Variants in L2HGDH observed in about 807,000 individuals in gnomAD.
L2HGDH encodes L-2-hydroxyglutarate dehydrogenase, mitochondrial.
A neutral mutation model predicts 51.5 loss-of-function variants in L2HGDH; 34 were observed. The observed-to-expected ratio is 0.66, with a 90% CI of 0.50 to 0.88. The LOEUF (loss-of-function observed/expected upper bound fraction) is 0.88. L2HGDH is among the 40% of genes least tolerant of loss of function. The probability of loss-of-function intolerance (pLI) is 0.00; values close to 1 mark genes in which losing one functional copy is unlikely to be tolerated. For missense variants in L2HGDH, 558 were observed against 571.9 expected, an observed-to-expected ratio of 0.98 and a Z score of 0.25; for synonymous variants, 198 against 197.9, an observed-to-expected ratio of 1.00 and a Z score of -0.01.
In L2HGDH at chr14:50,242,537, TGAGG is replaced by T; in HGVS notation, c.*4517_*4520del. 3 of 984,642 alleles carry T rather than the reference TGAGG, an allele frequency of 3.0e-6. No individual in the cohort carries two copies. Among genetic ancestry groups the T allele is most frequent in the Non-Finnish European group, 3.6e-6 (3 of 829,192 alleles). 61.0% of individuals were successfully genotyped at this position (984,642 alleles called of 1,614,324 possible). ...CAAACCCACAATACTTTCTAGGATT[TGAGG>T]CCAGAAAAGTAGAGTTGGTTGGTAT... On this transcript the variant is annotated 3_prime_UTR_variant, in exon 10 of 10. Coordinates refer to ENST00000267436, the MANE Select transcript of L2HGDH (RefSeq NM_024884.3).
intron 4 of L2HGDH, 59 bp from the exon 5 acceptor site, chr14:50,284,092 A>G (rs954648416): frequency 3.0e-5 from 45 of 1,511,804 alleles, no homozygotes; most frequent in Middle Eastern, 1.7e-4. Flanking sequence ...TAAATAACAA[A>G]ATCTCTATAA....
chr14:50,268,343 C>A (rs1359663989), intron 7 of L2HGDH, among the ~76,000 whole-genome samples: 1 of 146,126 alleles, frequency 6.8e-6, no homozygotes, highest in Non-Finnish European at 1.5e-5. Context: ...CATGCCACTG[C>A]ACTCCAGCCT....
chr14:50,287,296 G>T, intron 4 of L2HGDH: 1 of 984,532 alleles, frequency 1.0e-6, no homozygotes, highest in Non-Finnish European at 1.2e-6. Context: ...AAAATCATGG[G>T]TTCCTGTTCC....
chr14:50,247,787 GTTTGTT>G (rs1286754810), intron 9 of L2HGDH, among the ~76,000 whole-genome samples: 2 of 152,082 alleles, frequency 1.3e-5, no homozygotes, highest in African/African-American at 4.8e-5. Flanking sequence ...TTGTTTTGCA[GTTTGTT>G]TTTAAGAGTT....
chr14:50,265,260 T>G, intron 9 of L2HGDH, 98 bp downstream of exon 9: 1 of 1,039,050 alleles, frequency 9.6e-7, no homozygotes, highest in East Asian at 2.4e-5. Context: ...ATATGCAGAC[T>G]GACTCTGAAA....
chr14:50,253,603 A>G (rs1345479367), intron 9 of L2HGDH, among the ~76,000 whole-genome samples: 1 of 152,268 alleles, frequency 6.6e-6, no homozygotes, highest in East Asian at 1.9e-4. Context: ...AAATTAGTAC[A>G]ACCACTGTGG....
intron 4 of L2HGDH, among the ~76,000 whole-genome samples, chr14:50,284,970 G>A (rs557893909): frequency 2.0e-5 from 3 of 152,266 alleles, no homozygotes; most frequent in South Asian, 4.1e-4. Context: ...TTTTGCGGCC[G>A]GGCGCAGTGG....
intron 1 of L2HGDH, chr14:50,311,555 CG>C: frequency 2.2e-6 from 1 of 445,084 alleles, no homozygotes; most frequent in Non-Finnish European, 4.5e-6. Flanking sequence ...CAACACTATG[CG>C]GGGTGTGCCA....
chr14:50,258,166 C>T (rs778253596), intron 9 of L2HGDH, among the ~76,000 whole-genome samples: 10 of 151,864 alleles, frequency 6.6e-5, no homozygotes, highest in Non-Finnish European at 7.4e-5. Flanking sequence ...ACACACACAG[C>T]CAATCTTGTT....
intron 1 of L2HGDH, among the ~76,000 whole-genome samples, chr14:50,310,325 C>T (rs1397169091): frequency 6.6e-6 from 1 of 152,086 alleles, no homozygotes; most frequent in African/African-American, 2.4e-5. Flanking sequence ...CTGCCTCAGC[C>T]TCCCAAAGCA....
At chr14:50,302,302 C>G (rs963723517) in intron 2 of L2HGDH, 134 bp from the exon 3 acceptor site, 15 of 873,884 alleles carry the variant, frequency 1.7e-5, no homozygotes, top group Non-Finnish European at 2.8e-5. Flanking sequence ...GTTCAGATCA[C>G]TGGTAACTTC....
At chr14:50,268,013 T>A in intron 7 of L2HGDH, 103 bp from the exon 8 acceptor site, 1 of 1,090,566 alleles carries the variant, frequency 9.2e-7, no homozygotes, top group Non-Finnish European at 1.4e-6. Flanking sequence ...CTCATGCATT[T>A]AATTTGTATT....
At chr14:50,268,375 T>C (rs1889465965) in intron 7 of L2HGDH, among the ~76,000 whole-genome samples, 1 of 137,172 alleles carries the variant, frequency 7.3e-6, no homozygotes, top group South Asian at 2.4e-4. Context: ...TGAGAATCTG[T>C]CTCAGGAAAA....
chr14:50,254,804 C>T (rs987927914), intron 9 of L2HGDH, among the ~76,000 whole-genome samples: 8 of 151,828 alleles, frequency 5.3e-5, no homozygotes, highest in Non-Finnish European at 1.2e-4. Flanking sequence ...TTTGGGAGGC[C>T]AAAGCAGGTG....
At chr14:50,275,768 C>G (rs1288873828) in intron 6 of L2HGDH, among the ~76,000 whole-genome samples, 2 of 152,230 alleles carry the variant, frequency 1.3e-5, no homozygotes, top group East Asian at 3.8e-4. Flanking sequence ...GTTTCTCCCA[C>G]AGCCAGAATT....
intron 9 of L2HGDH, among the ~76,000 whole-genome samples, chr14:50,249,896 T>A (rs2139929818): frequency 8.8e-6 from 1 of 113,384 alleles, no homozygotes; most frequent in Admixed American, 8.9e-5. Context: ...TTTTTTTTTT[T>A]TTTTTTTTTT....
At chr14:50,287,240 T>C (rs1890611128) in intron 4 of L2HGDH, 1 of 985,104 alleles carries the variant, frequency 1.0e-6, no homozygotes, top group African/African-American at 1.7e-5. Flanking sequence ...CCATAACTTT[T>C]ACAACATCTG....
chr14:50,289,011 T>C (rs1890721328), intron 4 of L2HGDH, among the ~76,000 whole-genome samples: 1 of 152,186 alleles, frequency 6.6e-6, no homozygotes, highest in Non-Finnish European at 1.5e-5. Context: ...TTAATCTAAA[T>C]TTTTTAAGTA....
intron 6 of L2HGDH, among the ~76,000 whole-genome samples, chr14:50,273,329 C>A (rs17406958): frequency 6.6e-6 from 1 of 152,112 alleles, no homozygotes; most frequent in African/African-American, 2.4e-5. Context: ...CTTTACCTGA[C>A]GGCATCATGA....
Sources: allele counts gnomAD v4.1 joint callset (sites outside exome capture counted in the v4.1 genomes callset), GRCh38; gene constraint gnomAD v4.1.1; transcripts MANE v1.5; gene names NCBI Gene and HGNC (gene_info 2026-07-23, HGNC 2026-07-21).